Variants in BCAR3 observed in about 807,000 individuals in gnomAD.
The protein encoded by BCAR3 is BCAR3 adaptor protein, NSP family member.
BCAR3 carries 37 observed loss-of-function variants against 80.1 expected under a neutral mutation model. The observed-to-expected ratio is 0.46, with a 90% CI of 0.36 to 0.61. The LOEUF is 0.61. BCAR3 is among the 20% of genes least tolerant of loss of function. BCAR3 has a pLI of 0.00. For missense variants in BCAR3, 978 were observed against 1,068.2 expected (o/e 0.92, Z 1.18); for synonymous variants, 389 against 418.9 (o/e 0.93, Z 0.87).
chr1:93,660,560 A>C (rs1174398878), intron 2 of BCAR3, among the ~76,000 whole-genome samples: 1 of 152,246 alleles, frequency 6.6e-6, no homozygotes, highest in Non-Finnish European at 1.5e-5. Context: ...TTTTGGAAAA[A>C]TATCAGCTAG....
chr1:93,842,612 A>G (rs1034116880), intron 2 of BCAR3, among the ~76,000 whole-genome samples: 1 of 152,002 alleles, frequency 6.6e-6, no homozygotes, highest in Non-Finnish European at 1.5e-5. Context: ...CTCTGGACCC[A>G]CTCCATTCTG....
chr1:93,664,741 T>C (rs778796785), intron 2 of BCAR3, among the ~76,000 whole-genome samples: 18 of 152,120 alleles, frequency 1.2e-4, no homozygotes, highest in Non-Finnish European at 2.5e-4. Context: ...TCAAATTGAA[T>C]AGGGTAAGAA....
chr1:93,794,173 G>A (rs201902321), intron 2 of BCAR3, among the ~76,000 whole-genome samples: 13 of 71,266 alleles, frequency 1.8e-4, no homozygotes, highest in Non-Finnish European at 2.6e-4. Flanking sequence ...TATTAGGTCC[G>A]CTTGGTGCAG....
At chr1:93,636,645 A>C (rs527655345) in intron 3 of BCAR3, among the ~76,000 whole-genome samples, 1 of 152,310 alleles carries the variant, frequency 6.6e-6, no homozygotes, top group Non-Finnish European at 1.5e-5. Flanking sequence ...TTTATTTTAA[A>C]ATGGAAAATG....
chr1:93,777,167 C>T (rs1481388833), intron 2 of BCAR3, among the ~76,000 whole-genome samples: 3 of 152,162 alleles, frequency 2.0e-5, no homozygotes, highest in Non-Finnish European at 4.4e-5. Context: ...CAGAGGAACA[C>T]AGCCCTGTCA....
At chr1:93,653,436 T>C (rs113649701) in intron 2 of BCAR3, among the ~76,000 whole-genome samples, 4,408 of 152,340 alleles carry the variant, frequency 0.029, 93 homozygotes, top group Non-Finnish European at 0.043. Flanking sequence ...CTGTATTGTA[T>C]ATTTTTTTAT....
intron 2 of BCAR3, among the ~76,000 whole-genome samples, chr1:93,710,205 C>T (rs957667364): frequency 6.6e-6 from 1 of 152,212 alleles, no homozygotes; most frequent in Non-Finnish European, 1.5e-5. Flanking sequence ...TGGGCTCCCT[C>T]CCTGGACCTG....
At chr1:93,711,429 C>T (rs990371242) in intron 2 of BCAR3, among the ~76,000 whole-genome samples, 1 of 152,150 alleles carries the variant, frequency 6.6e-6, no homozygotes, top group Non-Finnish European at 1.5e-5. Context: ...GGGGAGTCCA[C>T]GTGGCAGCTA....
intron 3 of BCAR3, among the ~76,000 whole-genome samples, chr1:93,606,925 T>C (rs927533276): frequency 2.0e-5 from 3 of 152,198 alleles, no homozygotes; most frequent in African/African-American, 7.2e-5. Context: ...GTTCCAATCA[T>C]ATCAGAATTG....
chr1:93,803,124 G>C (rs1004072810), intron 2 of BCAR3, among the ~76,000 whole-genome samples: 5 of 152,152 alleles, frequency 3.3e-5, no homozygotes, highest in African/African-American at 1.2e-4. Context: ...TCTGTTGACG[G>C]TGAAGCCCTT....
At chr1:93,588,871 A>G (rs893080806) in intron 5 of BCAR3, 106 bp downstream of exon 5, 3 of 1,246,476 alleles carry the variant, frequency 2.4e-6, no homozygotes, top group African/African-American at 3.0e-5. Flanking sequence ...CGGCATTCCT[A>G]TTAACATCTT....
intron 2 of BCAR3, among the ~76,000 whole-genome samples, chr1:93,789,126 G>T (rs529280147): frequency 6.6e-6 from 1 of 152,126 alleles, no homozygotes; most frequent in East Asian, 1.9e-4. Flanking sequence ...CTCCCAAGTA[G>T]CTGGAACTAC....
At chr1:93,843,718 CACAT>C (rs1182920557) in intron 2 of BCAR3, among the ~76,000 whole-genome samples, 2 of 152,174 alleles carry the variant, frequency 1.3e-5, no homozygotes, top group Non-Finnish European at 2.9e-5. Flanking sequence ...AATGCCCAGT[CACAT>C]TATGCCACTT....
intron 7 of BCAR3, among the ~76,000 whole-genome samples, 164 bp downstream of exon 7, chr1:93,582,137 T>A (rs1321922461): frequency 6.6e-6 from 1 of 152,218 alleles, no homozygotes; most frequent in African/African-American, 2.4e-5. Context: ...CATGCTGGTG[T>A]TATCTTCAGA....
chr1:93,577,767 G>A (rs1161689172), intron 7 of BCAR3, among the ~76,000 whole-genome samples: 1 of 150,870 alleles, frequency 6.6e-6, no homozygotes, highest in Non-Finnish European at 1.5e-5. Context: ...GTACTTCTGA[G>A]GGGTGTCCCC....
At chr1:93,779,974 A>T (rs904602465) in intron 2 of BCAR3, among the ~76,000 whole-genome samples, 1 of 152,074 alleles carries the variant, frequency 6.6e-6, no homozygotes, top group Non-Finnish European at 1.5e-5. Flanking sequence ...ACCCCTCAGG[A>T]CATGTCTTCT....
chr1:93,630,936 A>T (rs1348948439), intron 3 of BCAR3, among the ~76,000 whole-genome samples: 1 of 152,230 alleles, frequency 6.6e-6, no homozygotes, highest in Admixed American at 6.5e-5. Context: ...ACAACCAAGA[A>T]ACGGCTAAAA....
At chr1:93,798,443 AT>A (rs200197030) in intron 2 of BCAR3, among the ~76,000 whole-genome samples, 6 of 151,874 alleles carry the variant, frequency 4.0e-5, no homozygotes, top group African/African-American at 1.5e-4. Context: ...ACAATAGCCA[AT>A]TTTTTTTGGT....
intron 2 of BCAR3, among the ~76,000 whole-genome samples, chr1:93,760,875 CTGAT>C (rs1201099048): frequency 6.6e-6 from 1 of 152,192 alleles, no homozygotes; most frequent in Non-Finnish European, 1.5e-5. Flanking sequence ...ATAGAGGTCT[CTGAT>C]TGGCCAGATT....
Sources: allele counts gnomAD v4.1 joint callset (sites outside exome capture counted in the v4.1 genomes callset), GRCh38; gene constraint gnomAD v4.1.1; transcripts MANE v1.5; gene names NCBI Gene and HGNC (gene_info 2026-07-23, HGNC 2026-07-21).